The following GALNT10 variants were observed in gnomAD, a reference collection of about 807,000 sequenced individuals.
The protein encoded by GALNT10 is polypeptide N-acetylgalactosaminyltransferase 10, also known as GalNAc transferase 10.
In GALNT10, 41 loss-of-function variants were observed where a neutral mutation model predicts 75.0. The ratio of observed to expected loss-of-function variants is 0.55; its 90% CI spans 0.43 to 0.71. GALNT10 has a LOEUF of 0.71. GALNT10 is among the 30% of genes least tolerant of loss of function. GALNT10 has a pLI of 0.00. For synonymous variants in GALNT10, 302 were observed against 313.0 expected (o/e 0.96, Z 0.37); for missense variants, 727 against 818.5 (o/e 0.89, Z 1.36).
Position 154,415,777 on chromosome 5 carries a change from G to C in GALNT10, c.1504-6G>C, listed in dbSNP as rs1010151861. 2.6e-5 allele frequency: 42 copies of C among 1,613,512 alleles called. No individual in the cohort carries two copies. The highest frequency in any genetic ancestry group is 3.5e-5 in the Non-Finnish European group (41 of 1,179,638). ...CTATCCCTATTTATGATGCCCCTGT[G>C]CACAGGTATTCACCTTCACCTGGAG... On this transcript the variant is annotated splice_region_variant and splice_polypyrimidine_tract_variant and intron_variant, in intron 10 of 11. Coordinates refer to ENST00000297107, the MANE Select transcript of GALNT10 (RefSeq NM_198321.4).
chr5:154,415,169 A>C (rs1756479390), intron 10 of GALNT10, among the ~76,000 whole-genome samples: 1 of 152,164 alleles, frequency 6.6e-6, no homozygotes, highest in African/African-American at 2.4e-5. Context: ...TGAACTGTGG[A>C]TATTTGATGA....
At chr5:154,307,497 G>A (rs1294320265) in intron 3 of GALNT10, among the ~76,000 whole-genome samples, 3 of 151,994 alleles carry the variant, frequency 2.0e-5, no homozygotes, top group Non-Finnish European at 2.9e-5. Context: ...GCAGGCGCCT[G>A]TAGTCCCAGC....
chr5:154,352,621 A>G lies in GALNT10; in HGVS notation c.568+22883A>G, dbSNP rs766118213. Among the ~76,000 whole-genome samples, 2 of 152,110 alleles carry G rather than the reference A, an allele frequency of 1.3e-5. No homozygotes were observed. Among genetic ancestry groups the G allele is most frequent in the African/African-American group, 4.8e-5 (2 of 41,414 alleles). On this transcript the variant is annotated intron_variant, in intron 4 of 11. Coordinates refer to ENST00000297107, the MANE Select transcript of GALNT10 (RefSeq NM_198321.4). The surrounding 1 kb of genome is among the most constrained non-coding windows in gnomAD (Gnocchi z 4.4). ...CAGGTACCTACCACTGCTTTCTACC[A>G]TCTTGCCCCCAGAGGTCTTGCCTGT...
At chr5:154,396,426 C>G (rs1008914731) in intron 7 of GALNT10, among the ~76,000 whole-genome samples, 11 of 152,084 alleles carry the variant, frequency 7.2e-5, no homozygotes, top group Non-Finnish European at 1.5e-4. Flanking sequence ...AAGGGTGACC[C>G]CTTTGTTCTG....
At chr5:154,228,166 A>G (rs721868) in intron 1 of GALNT10, among the ~76,000 whole-genome samples, 26,311 of 152,160 alleles carry the variant, frequency 0.17, 2,432 homozygotes, top group Non-Finnish European at 0.21. Context: ...TAAAGCCTTC[A>G]GAACCGTGAG....
intron 5 of GALNT10, among the ~76,000 whole-genome samples, chr5:154,378,385 A>G (rs1755688729): frequency 6.6e-6 from 1 of 152,010 alleles, no homozygotes; most frequent in East Asian, 1.9e-4. Flanking sequence ...CAGCCACATT[A>G]ACATTTGAAT....
chr5:154,321,658 T>G (rs1754676730), intron 3 of GALNT10, among the ~76,000 whole-genome samples: 1 of 152,164 alleles, frequency 6.6e-6, no homozygotes, highest in Non-Finnish European at 1.5e-5. Context: ...CTGGAGCCCC[T>G]TCCCTTGATG....
rs70978542 is a variant in GALNT10 at position 154,416,480 on chromosome 5, T to TACACACACACACACACAC, written c.1654-313_1654-296dup. On this transcript the variant is annotated intron_variant, in intron 11 of 11. Transcript: ENST00000297107. The surrounding 1 kb of genome is among the most constrained non-coding windows in gnomAD (Gnocchi z 4.5). ...AAATAAAAGATAAAAGGAAAGCACATACACACACACACACACACACACACA... is the reference window on the plus strand; with the variant it reads ...AAATAAAAGATAAAAGGAAAGCACATACACACACACACACACACACACACACACACACACACACACACA... Among the ~76,000 whole-genome samples, 186 of 141,922 alleles carry TACACACACACACACACAC rather than the reference T, an allele frequency of 1.3e-3. 1 individual carries two copies. Among genetic ancestry groups the TACACACACACACACACAC allele is most frequent in the African/African-American group, 2.5e-3 (92 of 36,900 alleles). 93.1% of individuals were successfully genotyped at this position (141,922 alleles called of 152,430 possible).
At chr5:154,302,874 C>A (rs1321242688) in intron 3 of GALNT10, among the ~76,000 whole-genome samples, 1 of 152,098 alleles carries the variant, frequency 6.6e-6, no homozygotes, top group African/African-American at 2.4e-5. Flanking sequence ...ACCTTTACAT[C>A]CCTAACAGGC....
intron 7 of GALNT10, among the ~76,000 whole-genome samples, chr5:154,394,694 GCCAGC>G (rs1755980705): frequency 6.6e-6 from 1 of 152,172 alleles, no homozygotes; most frequent in South Asian, 2.1e-4. Flanking sequence ...ATTGCCAAAG[GCCAGC>G]CCAAGCACCA....
Position 154,376,556 on chromosome 5 carries a change from C to T in GALNT10, c.754+94C>T. ...TGCAGGGAGCCATCCATAAGCCTTC[C>T]CTTGCCTGTTCGAGATGCCCCCAGC... is the stretch of plus-strand genomic sequence containing the variant. On this transcript the variant is annotated intron_variant, in intron 5 of 11. Coordinates refer to ENST00000297107, the MANE Select transcript of GALNT10 (RefSeq NM_198321.4). The surrounding 1 kb of genome is among the most constrained non-coding windows in gnomAD (Gnocchi z 4.1). The T allele has an allele frequency of 1.2e-6, 1 of 866,734 alleles. No individual in the cohort carries two copies. Among genetic ancestry groups the T allele is most frequent in the Non-Finnish European group, 1.8e-6 (1 of 567,968 alleles). The allele number at this position is 866,734 out of a possible 1,614,324, so 53.7% of individuals were successfully genotyped here.
chr5:154,245,412 C>T (rs1753405975), intron 1 of GALNT10, among the ~76,000 whole-genome samples: 1 of 152,160 alleles, frequency 6.6e-6, no homozygotes, highest in African/African-American at 2.4e-5. Context: ...TTATCCTCAC[C>T]AGTGGGTACT....
chr5:154,240,729 A>G (rs1753323815), intron 1 of GALNT10, among the ~76,000 whole-genome samples: 1 of 152,206 alleles, frequency 6.6e-6, no homozygotes, highest in African/African-American at 2.4e-5. Context: ...CGTTGATAAG[A>G]GTCCAGTTCC....
chr5:154,254,635 G>A (rs887135319), intron 1 of GALNT10, among the ~76,000 whole-genome samples: 3 of 151,832 alleles, frequency 2.0e-5, no homozygotes, highest in African/African-American at 7.3e-5. Flanking sequence ...GTAGCCCCAG[G>A]AAGGCAAGCA....
At chr5:154,232,773 C>T (rs1753170497) in intron 1 of GALNT10, among the ~76,000 whole-genome samples, 1 of 152,120 alleles carries the variant, frequency 6.6e-6, no homozygotes, top group Admixed American at 6.5e-5. Flanking sequence ...GACATGTGGT[C>T]AATTTCAAAA....
At chr5:154,361,535 C>T (rs1755387986) in intron 4 of GALNT10, among the ~76,000 whole-genome samples, 1 of 152,166 alleles carries the variant, frequency 6.6e-6, no homozygotes. Flanking sequence ...AACTTGGTTA[C>T]TTGGTTTCTG....
At chr5:154,367,482 G>A (rs1755494160) in intron 4 of GALNT10, among the ~76,000 whole-genome samples, 1 of 152,214 alleles carries the variant, frequency 6.6e-6, no homozygotes, top group African/African-American at 2.4e-5. Context: ...GAGGAGGGAT[G>A]GGAGGGCACC....
In GALNT10 at chr5:154,294,928, GC is replaced by G; in HGVS notation, c.262+11del. ...GACGCTCAGCGCGTAGGTACGGAGG[GC>G]AGGATTGGCCATGGGTGGGCTCTGT... On this transcript the variant is annotated intron_variant, in intron 2 of 11. Transcript: ENST00000297107. 7.4e-7 allele frequency: 1 copy of G among 1,360,258 alleles called. No individual in the cohort carries two copies. Among genetic ancestry groups the G allele is most frequent in the Non-Finnish European group, 1.1e-6 (1 of 948,114 alleles). 84.3% of individuals were successfully genotyped at this position (1,360,258 alleles called of 1,614,324 possible). A position where few individuals can be genotyped will look rare whatever the true frequency, so the allele number is the denominator to read the frequency against.
intron 8 of GALNT10, among the ~76,000 whole-genome samples, chr5:154,405,247 C>T (rs1756250218): frequency 6.6e-6 from 1 of 152,194 alleles, no homozygotes; most frequent in Non-Finnish European, 1.5e-5. Context: ...CCTAGAAGAG[C>T]GTTGTCCTGT....
Sources: allele counts gnomAD v4.1 joint callset (sites outside exome capture counted in the v4.1 genomes callset), GRCh38; gene constraint gnomAD v4.1.1; non-coding constraint Gnocchi (gnomAD v3.1); transcripts MANE v1.5; gene names NCBI Gene and HGNC (gene_info 2026-07-23, HGNC 2026-07-21).